The following PPP4R1 variants were observed in gnomAD, a reference collection of about 807,000 sequenced individuals.
The protein encoded by PPP4R1 is serine/threonine-protein phosphatase 4 regulatory subunit 1.
In PPP4R1, 42 loss-of-function variants were observed where a neutral mutation model predicts 111.2. That is an observed-to-expected ratio of 0.38 (90% CI 0.29 to 0.49). The LOEUF (loss-of-function observed/expected upper bound fraction) is 0.49. Among genes scored for constraint, PPP4R1 ranks in the 20% least tolerant of loss-of-function variants. PPP4R1 has a pLI of 0.97. For missense variants in PPP4R1, 1,012 were observed against 1,161.6 expected (o/e 0.87, Z 1.87); for synonymous variants, 409 against 405.5 (o/e 1.01, Z -0.10).
rs111857309 is a variant in PPP4R1, at chr18:9,593,990, T to G, written c.189-116A>C. On this transcript the variant is annotated intron_variant, in intron 3 of 19. Transcript: ENST00000400556. ...TTGCCCAGGCCGGAGTGTAATGGTG[T>G]GATCACGGCTAACTGCAGCATTGAC... 38 of 754,246 alleles carry G rather than the reference T, an allele frequency of 5.0e-5. No homozygotes were observed. In the African/African-American group the frequency reaches 5.4e-4, roughly 11 times the overall value. 46.7% of individuals were successfully genotyped at this position (754,246 alleles called of 1,614,324 possible). A position where few individuals can be genotyped will look rare whatever the true frequency, so the allele number is the denominator to read the frequency against.
chr18:9,557,302 C>T lies in PPP4R1; in HGVS notation c.2109G>A (p.Leu703=), dbSNP rs763549481. 1 of 1,613,078 alleles carries T rather than the reference C, an allele frequency of 6.2e-7. No homozygotes were observed. The highest frequency in any genetic ancestry group is 2.2e-5 in the East Asian group (1 of 44,816). The change falls in exon 15 of 20, where the codon CTG becomes CTA. Residue 703 remains leucine, a synonymous_variant. Transcript: ENST00000400556. ...ILGDQLTAAD[L]VPIFNGFLKD... ...TTAAAAATCCATTAAAAATTGGAAC[C>T]AGATCTGCAGCTGTCAATTGATCTC...
intron 2 of PPP4R1, among the ~76,000 whole-genome samples, chr18:9,605,677 A>T (rs2067470008): frequency 6.6e-6 from 1 of 152,128 alleles, no homozygotes; most frequent in South Asian, 2.1e-4. Context: ...CATGAATGCT[A>T]AAGGCTGAGA....
chr18:9,582,095 G>A (rs1274006296), intron 9 of PPP4R1, among the ~76,000 whole-genome samples: 2 of 152,050 alleles, frequency 1.3e-5, no homozygotes, highest in Non-Finnish European at 2.9e-5. Context: ...TTCAAAGAAG[G>A]AAGGAAGACC....
chr18:9,566,325 CTT>C (rs1395569514), intron 11 of PPP4R1, among the ~76,000 whole-genome samples: 3 of 152,062 alleles, frequency 2.0e-5, no homozygotes, highest in African/African-American at 7.2e-5. Context: ...CAAGGTGACT[CTT>C]GTTAGGGACT....
intron 2 of PPP4R1, among the ~76,000 whole-genome samples, chr18:9,610,802 T>C (rs1598970621): frequency 1.3e-5 from 2 of 152,204 alleles, no homozygotes; most frequent in Non-Finnish European, 2.9e-5. Flanking sequence ...TTTCATTTAC[T>C]TACCTTTATA....
intron 11 of PPP4R1, among the ~76,000 whole-genome samples, chr18:9,564,097 C>T (rs2066722213): frequency 6.6e-6 from 1 of 152,148 alleles, no homozygotes; most frequent in Admixed American, 6.5e-5. Context: ...CCCAAATGAG[C>T]ACTGTCTTGC....
chr18:9,614,326 G>GCCC lies in PPP4R1; in HGVS notation c.8-59_8-57dup. On this transcript the variant is annotated intron_variant, in intron 1 of 19. Coordinates refer to ENST00000400556, the MANE Select transcript of PPP4R1 (RefSeq NM_001042388.3). This position sits in a 1 kb window ranked among gnomAD's most constrained non-coding sequence, Gnocchi z 4.1. Reference sequence around the variant, plus strand: ...TCAGCGCCCCGGGGCCCGGCGCGACGCCCCCCCCCCGCCCGCCTCCCCCCC... The same window carrying GCCC: ...TCAGCGCCCCGGGGCCCGGCGCGACGCCCCCCCCCCCCCGCCCGCCTCCCCCCC... The GCCC allele has an allele frequency of 9.5e-6, 9 of 949,828 alleles. No homozygotes were observed. Among genetic ancestry groups the GCCC allele is most frequent in the South Asian group, 8.8e-5 (2 of 22,708 alleles). The allele number at this position is 949,828 out of a possible 1,614,324, so 58.8% of individuals were successfully genotyped here.
In PPP4R1 at chr18:9,614,206, C is replaced by G. The variant is rs2067642444; in HGVS notation, c.52+20G>C. The G allele has an allele frequency of 7.4e-7, 1 of 1,356,140 alleles. No homozygotes were observed. Among genetic ancestry groups the G allele is most frequent in the Non-Finnish European group, 9.6e-7 (1 of 1,040,676 alleles). The allele number at this position is 1,356,140 out of a possible 1,614,324, so 84.0% of individuals were successfully genotyped here. ...CGCTCCCCGCGGACTGCCAGGCCACCGCGAGGCCGGGCCACTCACATCCGT... is the reference window on the plus strand; with the variant it reads ...CGCTCCCCGCGGACTGCCAGGCCACGGCGAGGCCGGGCCACTCACATCCGT... On this transcript the variant is annotated intron_variant, in intron 2 of 19. Coordinates refer to ENST00000400556, the MANE Select transcript of PPP4R1 (RefSeq NM_001042388.3). This position sits in a 1 kb window ranked among gnomAD's most constrained non-coding sequence, Gnocchi z 4.1.
At chr18:9,602,367 TAAAAAAAAAAA>T (rs11324056) in intron 2 of PPP4R1, among the ~76,000 whole-genome samples, 4 of 45,142 alleles carry the variant, frequency 8.9e-5, no homozygotes, top group South Asian at 8.7e-4. Context: ...CCATCTCTAC[TAAAAAAAAAAA>T]AAAAAAAAAA....
chr18:9,576,197 A>G (rs2066932874), intron 10 of PPP4R1, among the ~76,000 whole-genome samples: 1 of 152,228 alleles, frequency 6.6e-6, no homozygotes. Flanking sequence ...CAAATAGCAC[A>G]GTATCAAGAC....
chr18:9,574,910 ATAACGAATGCTTATTTTACATACTT>A lies in PPP4R1; in HGVS notation c.1046+2129_1046+2153del, dbSNP rs1277196932. On this transcript the variant is annotated intron_variant, in intron 10 of 19. Coordinates refer to ENST00000400556, the MANE Select transcript of PPP4R1 (RefSeq NM_001042388.3). ...CATGGTGCATTCAGAGAACAATGTG[ATAACGAATGCTTATTTTACATACTT>A]TTAAAATGCAGATTTGAGTATTTCA... Among the ~76,000 whole-genome samples, 7 of 152,360 alleles carry A rather than the reference ATAACGAATGCTTATTTTACATACTT, an allele frequency of 4.6e-5. No homozygotes were observed. In the South Asian group the frequency reaches 8.3e-4, roughly 18 times the overall value.
intron 2 of PPP4R1, among the ~76,000 whole-genome samples, chr18:9,603,623 A>C (rs1247805624): frequency 6.6e-6 from 1 of 151,898 alleles, no homozygotes; most frequent in Non-Finnish European, 1.5e-5. Flanking sequence ...TGGGACTACA[A>C]GTGCATGTGC....
chr18:9,575,490 GCT>G (rs1393822744), intron 10 of PPP4R1, among the ~76,000 whole-genome samples: 9 of 152,206 alleles, frequency 5.9e-5, no homozygotes, highest in African/African-American at 1.4e-4. Flanking sequence ...AGCCAGGAAT[GCT>G]CTCTTTCCCC....
rs776245392 is a variant in PPP4R1, at chr18:9,557,373, G to A, written c.2038C>T (p.Arg680Ter). The A allele has an allele frequency of 3.8e-6, 6 of 1,599,914 alleles. No individual in the cohort carries two copies. The highest frequency in any genetic ancestry group is 1.1e-5 in the South Asian group (1 of 87,594). Residue 680 changes from arginine (R) to a stop codon, truncating the protein, a stop_gained, in exon 15 of 20, where the codon CGA becomes TGA. Coordinates refer to ENST00000400556, the MANE Select transcript of PPP4R1 (RefSeq NM_001042388.3). LOFTEE classifies it high-confidence loss of function. Reference protein sequence around the residue: ...TLASDMQWKVRRTLAFSIHEL... With the variant: ...TLASDMQWKV Reference sequence around the variant, plus strand: ...TGGATGGAGAATGCTAGAGTTCGTCGAACTTTCCACTGCAGAAATGAAAAC... The same window carrying A: ...TGGATGGAGAATGCTAGAGTTCGTCAAACTTTCCACTGCAGAAATGAAAAC...
At chr18:9,551,183 T>C (rs1460536508) in intron 16 of PPP4R1, 1 of 152,178 alleles carries the variant, frequency 6.6e-6, no homozygotes, top group Non-Finnish European at 1.5e-5. Flanking sequence ...TACAGAAAAC[T>C]GCAAAGAACG....
At chr18:9,605,619 C>CATGAGG (rs1287550340) in intron 2 of PPP4R1, among the ~76,000 whole-genome samples, 3 of 118,596 alleles carry the variant, frequency 2.5e-5, no homozygotes, top group Admixed American at 2.5e-4. Flanking sequence ...TGAATCAAAT[C>CATGAGG]ATGAGGAAAC....
chr18:9,596,799 A>G (rs62088873), intron 2 of PPP4R1, among the ~76,000 whole-genome samples: 23,928 of 152,184 alleles, frequency 0.16, 2,532 homozygotes, highest in African/African-American at 0.3. Flanking sequence ...CTTTAAACAG[A>G]TAACATTTTT....
Position 9,547,814 on chromosome 18 carries a change from A to G in PPP4R1, c.2828T>C (p.Met943Thr), listed in dbSNP as rs1323558463. 3 of 1,613,338 alleles carry G rather than the reference A, an allele frequency of 1.9e-6. No homozygotes were observed. Among genetic ancestry groups the G allele is most frequent in the South Asian group, 2.2e-5 (2 of 91,036 alleles). ...CTAGTAGGTTGAGGACGCTGTGCTCATGGCATCTTCGGAGATTTTGGTACT... is the reference window on the plus strand; with the variant it reads ...CTAGTAGGTTGAGGACGCTGTGCTCGTGGCATCTTCGGAGATTTTGGTACT... ...PASTKISEDAMSTASSTY is the reference protein window; with the variant it reads ...PASTKISEDATSTASSTY Residue 943 changes from methionine to threonine, a missense_variant, in exon 20 of 20, where the codon ATG becomes ACG. Physicochemically the swap from Met to Thr is moderately conservative, Grantham distance 81 (BLOSUM62 -1). Transcript: ENST00000400556.
chr18:9,576,847 C>G (rs1486816193), intron 10 of PPP4R1, among the ~76,000 whole-genome samples: 2 of 152,158 alleles, frequency 1.3e-5, no homozygotes, highest in Non-Finnish European at 2.9e-5. Flanking sequence ...GTGTTACATG[C>G]ATCTACTCAT....
Sources: allele counts gnomAD v4.1 joint callset (sites outside exome capture counted in the v4.1 genomes callset), GRCh38; gene constraint gnomAD v4.1.1; non-coding constraint Gnocchi (gnomAD v3.1); transcripts MANE v1.5; gene names NCBI Gene and HGNC (gene_info 2026-07-23, HGNC 2026-07-21).